The following GPC5 variants were observed in gnomAD, a reference collection of about 807,000 sequenced individuals.
GPC5 encodes glypican 5, also known as glypican-5.
Under a neutral mutation model 53.9 loss-of-function variants are expected in GPC5, and 47 were observed. That is an observed-to-expected ratio of 0.87 (90% CI 0.69 to 1.11). The LOEUF is 1.11. Among genes scored for constraint, GPC5 ranks in the 50% most tolerant of loss-of-function variants. The pLI is 0.00. For synonymous variants in GPC5, 286 were observed against 263.3 expected (o/e 1.09, Z -0.84); for missense variants, 748 against 713.1 (o/e 1.05, Z -0.56).
chr13:91,882,465 C>T (rs557888473), intron 5 of GPC5, among the ~76,000 whole-genome samples: 43 of 151,776 alleles, frequency 2.8e-4, no homozygotes, highest in African/African-American at 8.9e-4. Flanking sequence ...GTTTTCCATG[C>T]GATTATTTTT....
chr13:92,350,404 A>G (rs2043466119), intron 7 of GPC5, among the ~76,000 whole-genome samples: 1 of 152,216 alleles, frequency 6.6e-6, no homozygotes, highest in Admixed American at 6.5e-5. Context: ...CAATAGAGAA[A>G]TAAATGAATT....
At chr13:91,713,880 A>G (rs2036279905) in intron 3 of GPC5, among the ~76,000 whole-genome samples, 1 of 152,320 alleles carries the variant, frequency 6.6e-6, no homozygotes, top group South Asian at 2.1e-4. Flanking sequence ...GTAGCCAACT[A>G]TCATATTCTT....
intron 7 of GPC5, among the ~76,000 whole-genome samples, chr13:92,335,819 T>A (rs7987488): frequency 0.4 from 61,377 of 151,990 alleles, 12,545 homozygotes; most frequent in Middle Eastern, 0.51. Flanking sequence ...CCTGGACTTT[T>A]TTGTCCATAT....
chr13:91,625,667 C>T (rs994767770), intron 2 of GPC5, among the ~76,000 whole-genome samples: 1 of 151,972 alleles, frequency 6.6e-6, no homozygotes, highest in African/African-American at 2.4e-5. Context: ...TAGAACAAGC[C>T]TAGTGTGAAA....
intron 2 of GPC5, among the ~76,000 whole-genome samples, chr13:91,596,185 G>T (rs1053634399): frequency 1.3e-5 from 2 of 151,920 alleles, no homozygotes; most frequent in African/African-American, 4.8e-5. Flanking sequence ...AATTAATAAA[G>T]CAATGTATCT....
At chr13:91,650,780 A>G (rs1293937861) in intron 2 of GPC5, among the ~76,000 whole-genome samples, 2 of 96,284 alleles carry the variant, frequency 2.1e-5, no homozygotes, top group Non-Finnish European at 3.9e-5. Context: ...TTTAGCACAG[A>G]AGGCTAAAAA....
chr13:92,578,608 A>C (rs554525956), intron 7 of GPC5, among the ~76,000 whole-genome samples: 1 of 152,152 alleles, frequency 6.6e-6, no homozygotes, highest in Admixed American at 6.5e-5. Context: ...TCCCAACTCC[A>C]GAAGAGAGAG....
At chr13:92,692,752 C>CTTTTTT (rs1457273874) in intron 7 of GPC5, among the ~76,000 whole-genome samples, 7 of 61,290 alleles carry the variant, frequency 1.1e-4, no homozygotes, top group Admixed American at 2.4e-4. Context: ...CCAATATCGG[C>CTTTTTT]TATTTTTTTT....
chr13:91,764,683 G>A (rs1380843855), intron 5 of GPC5, among the ~76,000 whole-genome samples: 1 of 152,154 alleles, frequency 6.6e-6, no homozygotes, highest in African/African-American at 2.4e-5. Flanking sequence ...AGAGTCCCTA[G>A]TAGGGTGTGT....
chr13:91,820,781 G>A (rs1037798795), intron 5 of GPC5, among the ~76,000 whole-genome samples: 2 of 152,100 alleles, frequency 1.3e-5, no homozygotes, highest in African/African-American at 4.8e-5. Flanking sequence ...GGCTAACACA[G>A]TGAAATGCCA....
chr13:91,571,938 T>C (rs1369996820), intron 2 of GPC5, among the ~76,000 whole-genome samples: 1 of 118,510 alleles, frequency 8.4e-6, no homozygotes, highest in Non-Finnish European at 1.8e-5. Flanking sequence ...TATACACACA[T>C]GTATATACAT....
intron 6 of GPC5, among the ~76,000 whole-genome samples, chr13:91,960,923 A>G (rs1380479323): frequency 6.6e-6 from 1 of 151,980 alleles, no homozygotes. Flanking sequence ...TAAAGACCTG[A>G]CACTATAAAA....
At chr13:91,837,407 C>A (rs529762125) in intron 5 of GPC5, among the ~76,000 whole-genome samples, 3 of 152,150 alleles carry the variant, frequency 2.0e-5, no homozygotes, top group Admixed American at 6.6e-5. Flanking sequence ...CATCCAGAGA[C>A]CTTTAGCTTA....
intron 1 of GPC5, among the ~76,000 whole-genome samples, chr13:91,425,318 C>T (rs1191749028): frequency 6.6e-6 from 1 of 152,044 alleles, no homozygotes. Context: ...TACCTATTTC[C>T]TGGGTGAACT....
intron 1 of GPC5, among the ~76,000 whole-genome samples, chr13:91,414,083 A>G (rs1349949763): frequency 2.6e-5 from 4 of 152,068 alleles, no homozygotes; most frequent in South Asian, 2.1e-4. Flanking sequence ...AGTTTCCCCT[A>G]CTGCCTCAAT....
chr13:92,461,936 G>T (rs1289868025), intron 7 of GPC5, among the ~76,000 whole-genome samples: 2 of 152,206 alleles, frequency 1.3e-5, no homozygotes, highest in African/African-American at 2.4e-5. Context: ...CCTGTGTGAA[G>T]TGAGGGAGAT....
intron 2 of GPC5, among the ~76,000 whole-genome samples, chr13:91,539,827 A>G (rs752949132): frequency 3.3e-5 from 5 of 152,182 alleles, no homozygotes; most frequent in Non-Finnish European, 7.4e-5. Context: ...TAGATACAAC[A>G]TCATGGAAAT....
chr13:92,677,240 C>T (rs1429189689), intron 7 of GPC5, among the ~76,000 whole-genome samples: 1 of 152,122 alleles, frequency 6.6e-6, no homozygotes, highest in Non-Finnish European at 1.5e-5. Context: ...CAAGACCCAA[C>T]ATATTTTTAC....
At position 92,306,914 on chromosome 13, in the gene GPC5, C is replaced by T. The variant is rs190243418; in HGVS notation, c.1561+161925C>T. Among the ~76,000 whole-genome samples, 17 of 152,300 alleles carry T rather than the reference C, an allele frequency of 1.1e-4. No homozygotes were observed. In the East Asian group the frequency reaches 3.3e-3, roughly 29 times the overall value. Reference sequence around the variant, plus strand: ...GGTGAGGAAAGGAGGGATTAAAAATCCCACTTCTTGTCTGTTTCAGGATTT... The same window carrying T: ...GGTGAGGAAAGGAGGGATTAAAAATTCCACTTCTTGTCTGTTTCAGGATTT... On this transcript the variant is annotated intron_variant, in intron 7 of 7. Transcript: ENST00000377067.
Sources: gnomAD v4.1 joint callset for allele counts (sites outside exome capture counted in the v4.1 genomes callset) on GRCh38, gnomAD v4.1.1 for gene constraint, MANE v1.5 for transcripts, NCBI Gene and HGNC (gene_info 2026-07-23, HGNC 2026-07-21) for gene names.